Variants in CDC42SE2 observed in about 807,000 individuals in gnomAD.
CDC42SE2 encodes the protein CDC42 small effector protein 2.
In CDC42SE2, 3 loss-of-function variants were observed where a neutral mutation model predicts 11.5. That is an observed-to-expected ratio of 0.26 (90% CI 0.12 to 0.67). The LOEUF is 0.67. Among genes scored for constraint, CDC42SE2 ranks in the 30% least tolerant of loss-of-function variants. CDC42SE2 has a pLI of 0.80. For missense variants in CDC42SE2, 82 were observed against 106.8 expected (o/e 0.77, Z 1.02); for synonymous variants, 33 against 34.8 (o/e 0.95, Z 0.18).
At chr5:131,336,778 G>T (rs1487979500) in intron 2 of CDC42SE2, among the ~76,000 whole-genome samples, 2 of 152,134 alleles carry the variant, frequency 1.3e-5, no homozygotes, top group Non-Finnish European at 1.5e-5. Context: ...ACTGAGGCTT[G>T]TGCATTCGTC....
intron 1 of CDC42SE2, among the ~76,000 whole-genome samples, chr5:131,246,889 A>G (rs945752045): frequency 3.3e-5 from 5 of 151,020 alleles, no homozygotes; most frequent in African/African-American, 9.8e-5. Flanking sequence ...GACTACAGGC[A>G]TGTGCCACCA....
the CDC42SE2 span, among the ~76,000 whole-genome samples, chr5:131,232,742 AAAAAAAAAAAAAAC>A: frequency 2.7e-5 from 4 of 148,780 alleles, no homozygotes; most frequent in Non-Finnish European, 4.4e-5. Flanking sequence ...CTCAAAAAAA[AAAAAAAAAAAAAAC>A]AAAACAGAAA....
Position 131,368,056 on chromosome 5 carries a change from G to A in CDC42SE2, c.54+8509G>A, listed in dbSNP as rs925197152. On this transcript the variant is annotated intron_variant, in intron 3 of 4. Coordinates refer to ENST00000505065, the MANE Select transcript of CDC42SE2 (RefSeq NM_001375635.1). The stretch of plus-strand genomic sequence containing the variant: ...ATCACGAGGTCAGGAGATCGAGACT[G>A]TCCTGGCTAACACGGTGAAACCCTG... Among the ~76,000 whole-genome samples, 9 of 151,938 alleles carry A rather than the reference G, an allele frequency of 5.9e-5. No homozygotes were observed. In the South Asian group the frequency reaches 1.9e-3, roughly 32 times the overall value.
Position 131,390,989 on chromosome 5 carries a change from T to G in CDC42SE2, c.157-4T>G. The stretch of plus-strand genomic sequence containing the variant: ...TGTTTTGTTGTATTTTTGTCTTGTT[T>G]TAGGTTAGCTCCATTCAGAACCAAA... On this transcript the variant is annotated splice_polypyrimidine_tract_variant and splice_region_variant and intron_variant, in intron 4 of 4. Transcript: ENST00000505065. The G allele has an allele frequency of 6.2e-7, 1 of 1,604,682 alleles. No homozygotes were observed.
chr5:131,365,922 C>G (rs1455393143), intron 3 of CDC42SE2, among the ~76,000 whole-genome samples: 2 of 152,144 alleles, frequency 1.3e-5, no homozygotes, highest in Non-Finnish European at 2.9e-5. Context: ...GCGGAGCTTG[C>G]AGTGAGTGGA....
At chr5:131,237,360 A>C in the CDC42SE2 span, among the ~76,000 whole-genome samples, 1 of 152,142 alleles carries the variant, frequency 6.6e-6, no homozygotes, top group South Asian at 2.1e-4. Flanking sequence ...TGAAATAATT[A>C]TTCTTTGTTT....
At chr5:131,384,640 C>T (rs942519308) in intron 3 of CDC42SE2, among the ~76,000 whole-genome samples, 15 of 152,048 alleles carry the variant, frequency 9.9e-5, no homozygotes, top group African/African-American at 3.6e-4. Flanking sequence ...ATCTGGAAAA[C>T]TCTTAGATAA....
At chr5:131,341,941 A>C (rs975813348) in intron 2 of CDC42SE2, among the ~76,000 whole-genome samples, 10 of 152,114 alleles carry the variant, frequency 6.6e-5, no homozygotes, top group African/African-American at 2.2e-4. Context: ...TAGTCTAAAA[A>C]TTGATAATTT....
chr5:131,334,100 T>A (rs550245572), intron 2 of CDC42SE2, among the ~76,000 whole-genome samples: 2 of 152,136 alleles, frequency 1.3e-5, no homozygotes, highest in Non-Finnish European at 2.9e-5. Context: ...GGCTGTGGGT[T>A]TGTCATAGAT....
chr5:131,278,728 CCTCCCCTCCCCTCCCCCTCCCCTCCCCT>C (rs1757162197), intron 1 of CDC42SE2, among the ~76,000 whole-genome samples: 2 of 4,934 alleles, frequency 4.1e-4, no homozygotes, highest in African/African-American at 1.2e-3. Context: ...TCCCCTCCCC[CCTCCCCTCCCCTCCCCCTCCCCTCCCCT>C]CTCCTCTCCC....
chr5:131,364,886 A>C (rs1561599965), intron 3 of CDC42SE2, among the ~76,000 whole-genome samples: 1 of 152,212 alleles, frequency 6.6e-6, no homozygotes, highest in Non-Finnish European at 1.5e-5. Flanking sequence ...CAGTGTGCTC[A>C]GTGTTTAGAT....
At chr5:131,336,502 A>G (rs1225320732) in intron 2 of CDC42SE2, among the ~76,000 whole-genome samples, 1 of 152,076 alleles carries the variant, frequency 6.6e-6, no homozygotes, top group Non-Finnish European at 1.5e-5. Context: ...TATTTCCTGA[A>G]TTTGAATGTT....
chr5:131,344,242 C>T (rs1300132373), intron 2 of CDC42SE2, among the ~76,000 whole-genome samples: 2 of 152,204 alleles, frequency 1.3e-5, no homozygotes, highest in African/African-American at 2.4e-5. Flanking sequence ...GGGGAATTCC[C>T]TTTCCTAGCA....
rs556228597 is a variant in CDC42SE2 at position 131,377,416 on chromosome 5, GCCT to G, written c.55-8125_55-8123del. Among the ~76,000 whole-genome samples, 161 of 152,204 alleles carry G rather than the reference GCCT, an allele frequency of 1.1e-3. 2 individuals carry two copies. The South Asian group carries it at 0.032, about 30-fold the overall frequency. On this transcript the variant is annotated intron_variant, in intron 3 of 4. Transcript: ENST00000505065. ...ACTCCTGAGCTCAGGCAGTCCGCCC[GCCT>G]CAGCCTCCCAAAGTGCTAGGCTTAC...
intron 2 of CDC42SE2, among the ~76,000 whole-genome samples, chr5:131,330,687 A>T (rs1289215225): frequency 1.3e-5 from 2 of 152,048 alleles, no homozygotes; most frequent in African/African-American, 4.8e-5. Context: ...TAAATATCCC[A>T]CAATGCACAG....
chr5:131,342,143 C>T (rs1464538290), intron 2 of CDC42SE2, among the ~76,000 whole-genome samples: 2 of 149,794 alleles, frequency 1.3e-5, no homozygotes, highest in Non-Finnish European at 3.0e-5. Flanking sequence ...AGCTGGGTGT[C>T]GTGGTGCATG....
In CDC42SE2 at chr5:131,365,159, G is replaced by A. The variant is rs570946253; in HGVS notation, c.54+5612G>A. Among the ~76,000 whole-genome samples, 243 of 152,002 alleles carry A rather than the reference G, an allele frequency of 1.6e-3. 2 individuals carry two copies. The highest frequency in any genetic ancestry group is 5.6e-3 in the African/African-American group (230 of 41,440). ...ACAAAAAATAGCTGGGCGTGGTGTC[G>A]CATGCCTGTAATCCCAGCTACTCGG... On this transcript the variant is annotated intron_variant, in intron 3 of 4. Coordinates refer to ENST00000505065, the MANE Select transcript of CDC42SE2 (RefSeq NM_001375635.1).
At chr5:131,376,001 G>A (rs1314330285) in intron 3 of CDC42SE2, among the ~76,000 whole-genome samples, 1 of 152,092 alleles carries the variant, frequency 6.6e-6, no homozygotes, top group Non-Finnish European at 1.5e-5. Context: ...CACTTTAGGA[G>A]GCCAAGGTGG....
intron 1 of CDC42SE2, among the ~76,000 whole-genome samples, chr5:131,308,845 G>T (rs924003786): frequency 1.3e-5 from 2 of 152,126 alleles, no homozygotes; most frequent in Non-Finnish European, 2.9e-5. Flanking sequence ...GAGATTTTGG[G>T]CTGAGATGAT....
Sources: allele counts gnomAD v4.1 joint callset (sites outside exome capture counted in the v4.1 genomes callset), GRCh38; gene constraint gnomAD v4.1.1; transcripts MANE v1.5; gene names NCBI Gene and HGNC (gene_info 2026-07-23, HGNC 2026-07-21).